The following EXOC6B variants were observed in gnomAD, a reference collection of about 807,000 sequenced individuals.
The protein encoded by EXOC6B is exocyst complex component 6B.
In EXOC6B, 54 loss-of-function variants were observed where a neutral mutation model predicts 113.5. That is an observed-to-expected ratio of 0.48 (90% CI 0.38 to 0.60). The LOEUF (loss-of-function observed/expected upper bound fraction) is 0.60, where lower values mean the gene tolerates loss of function less well. Ranked by LOEUF, EXOC6B falls within the 20% of genes least tolerant of loss-of-function variation. The pLI is 0.00. For missense variants in EXOC6B, 797 were observed against 977.5 expected, an observed-to-expected ratio of 0.82 and a Z score of 2.46; for synonymous variants, 357 against 339.0, an observed-to-expected ratio of 1.05 and a Z score of -0.58.
intron 6 of EXOC6B, among the ~76,000 whole-genome samples, chr2:72,670,686 C>A (rs945435295): frequency 5.3e-5 from 8 of 152,178 alleles, no homozygotes; most frequent in Non-Finnish European, 1.2e-4. Flanking sequence ...TGCTCTACTT[C>A]TCACAGTGAA....
intron 8 of EXOC6B, among the ~76,000 whole-genome samples, chr2:72,554,998 A>G (rs1038483316): frequency 3.9e-5 from 6 of 151,976 alleles, no homozygotes; most frequent in Non-Finnish European, 8.8e-5. Context: ...GAGTGAGAAC[A>G]TGTGGTGTTT....
intron 18 of EXOC6B, among the ~76,000 whole-genome samples, chr2:72,451,718 T>A (rs1036246417): frequency 6.6e-6 from 1 of 150,864 alleles, no homozygotes; most frequent in East Asian, 1.9e-4. Context: ...AGAAGGTAGT[T>A]TTTCCTTAGG....
Position 72,546,332 on chromosome 2 carries a change from C to G in EXOC6B, c.915+13121G>C, listed in dbSNP as rs1195668720. Among the ~76,000 whole-genome samples, 3 of 152,126 alleles carry G rather than the reference C, an allele frequency of 2.0e-5. No individual in the cohort carries two copies. The East Asian group carries it at 5.8e-4, about 29-fold the overall frequency. ...GACGTGGTGGCACGTGCCTGTAATTCTAGCTACTAGGGAGGCTGAGGCAGG... is the reference window on the plus strand; with the variant it reads ...GACGTGGTGGCACGTGCCTGTAATTGTAGCTACTAGGGAGGCTGAGGCAGG... On this transcript the variant is annotated intron_variant, in intron 8 of 21. Transcript: ENST00000272427.
At chr2:72,454,357 A>T (rs1352939251) in intron 18 of EXOC6B, among the ~76,000 whole-genome samples, 1 of 152,094 alleles carries the variant, frequency 6.6e-6, no homozygotes, top group Non-Finnish European at 1.5e-5. Flanking sequence ...ATAATAAGTT[A>T]GCCAGGAATG....
chr2:72,685,936 AT>A (rs1009474192), intron 6 of EXOC6B, among the ~76,000 whole-genome samples: 2 of 152,162 alleles, frequency 1.3e-5, no homozygotes, highest in African/African-American at 2.4e-5. Context: ...ATCACTTAAC[AT>A]TTTTTTGAAG....
chr2:72,492,345 A>G lies in EXOC6B; in HGVS notation c.1638T>C (p.Ile546=), dbSNP rs375112798. ...CAGTAAGCCCAATATTCTTCCTTTT[A>G]ATTACATTCTGCAGAGAGTTGCTCA... ...RTLSNSLQNV[I]KRKNIGLTEL... Residue 546 remains isoleucine (I), a synonymous_variant, in exon 16 of 22, where the codon ATT becomes ATC. Coordinates refer to ENST00000272427, the MANE Select transcript of EXOC6B (RefSeq NM_015189.3). 67 of 1,612,346 alleles carry G rather than the reference A, an allele frequency of 4.2e-5. No individual in the cohort carries two copies. Among genetic ancestry groups the G allele is most frequent in the Non-Finnish European group, 5.6e-5 (66 of 1,178,708 alleles).
chr2:72,674,034 G>A (rs769464028), intron 6 of EXOC6B, among the ~76,000 whole-genome samples: 5 of 152,020 alleles, frequency 3.3e-5, no homozygotes, highest in Non-Finnish European at 7.4e-5. Context: ...CGATTTGGGG[G>A]GGGTTTCATA....
chr2:72,702,303 T>C (rs1194889066), intron 6 of EXOC6B, among the ~76,000 whole-genome samples: 1 of 148,716 alleles, frequency 6.7e-6, no homozygotes, highest in Admixed American at 6.7e-5. Flanking sequence ...TGCCACATTT[T>C]CTTAATCCAG....
intron 6 of EXOC6B, among the ~76,000 whole-genome samples, chr2:72,671,093 C>T (rs747277807): frequency 2.0e-5 from 3 of 152,098 alleles, no homozygotes; most frequent in Non-Finnish European, 4.4e-5. Flanking sequence ...TGCTCCAGAA[C>T]ACTGGATGGA....
intron 20 of EXOC6B, among the ~76,000 whole-genome samples, chr2:72,214,606 T>C (rs989385435): frequency 2.0e-5 from 3 of 152,176 alleles, no homozygotes; most frequent in African/African-American, 4.8e-5. Flanking sequence ...TGTGGAATCA[T>C]TTCTTCTATT....
At chr2:72,604,482 T>C (rs1573472013) in intron 6 of EXOC6B, among the ~76,000 whole-genome samples, 1 of 152,224 alleles carries the variant, frequency 6.6e-6, no homozygotes, top group East Asian at 1.9e-4. Context: ...GATTATTTTA[T>C]TTAAATTCAA....
intron 6 of EXOC6B, among the ~76,000 whole-genome samples, chr2:72,639,700 G>C (rs1385720438): frequency 6.6e-6 from 1 of 152,170 alleles, no homozygotes; most frequent in Non-Finnish European, 1.5e-5. Context: ...AAAAAAGTTA[G>C]AGCCCAATAC....
rs1032747514 is a variant in EXOC6B, at chr2:72,512,476, A to C, written c.1167+656T>G. ...AGAAGGAAGGGAATTCAGAGCCAGC[A>C]TTCTATAACTGAAATAAAGTGGATT... On this transcript the variant is annotated intron_variant, in intron 11 of 21. Transcript: ENST00000272427. Among the ~76,000 whole-genome samples, 46 of 152,032 alleles carry C rather than the reference A, an allele frequency of 3.0e-4. 2 individuals carry two copies. Among genetic ancestry groups the C allele is most frequent in the Non-Finnish European group, 2.9e-5 (2 of 67,966 alleles).
Position 72,718,295 on chromosome 2 carries a change from T to C in EXOC6B, c.477A>G (p.Ala159=). The C allele has an allele frequency of 6.2e-7, 1 of 1,613,596 alleles. No individual in the cohort carries two copies. The highest frequency in any genetic ancestry group is 8.5e-7 in the Non-Finnish European group (1 of 1,179,672). ...DQMKTKRHYP[A]LKTLEHLEHT... ...GCTCTAGATGTTCCAGAGTTTTCAG[T>C]GCAGGATAATGCCTACAAAAGGAAT... is the stretch of plus-strand genomic sequence containing the variant. Residue 159 remains alanine, a synonymous_variant, in exon 6 of 22, where the codon GCA becomes GCG. Coordinates refer to ENST00000272427, the MANE Select transcript of EXOC6B (RefSeq NM_015189.3).
chr2:72,232,252 G>T (rs1681671768), intron 20 of EXOC6B, among the ~76,000 whole-genome samples: 1 of 152,146 alleles, frequency 6.6e-6, no homozygotes, highest in Non-Finnish European at 1.5e-5. Flanking sequence ...TGGTATTACA[G>T]GTGTGAGCCA....
chr2:72,772,095 G>T (rs987783309), intron 1 of EXOC6B, among the ~76,000 whole-genome samples: 6 of 152,132 alleles, frequency 3.9e-5, no homozygotes, highest in African/African-American at 1.2e-4. Flanking sequence ...ATTAAAGGGG[G>T]TATGAAAGAC....
chr2:72,550,046 A>T (rs1001291343), intron 8 of EXOC6B, among the ~76,000 whole-genome samples: 1 of 152,174 alleles, frequency 6.6e-6, no homozygotes, highest in African/African-American at 2.4e-5. Flanking sequence ...AGAAGTAGAG[A>T]CAAGCATTAG....
intron 19 of EXOC6B, among the ~76,000 whole-genome samples, chr2:72,338,435 G>T (rs762073461): frequency 6.6e-6 from 1 of 152,058 alleles, no homozygotes; most frequent in Non-Finnish European, 1.5e-5. Flanking sequence ...TTCAGCTATG[G>T]CTCAGTGATG....
At chr2:72,344,833 A>G (rs1237830101) in intron 19 of EXOC6B, among the ~76,000 whole-genome samples, 1 of 151,904 alleles carries the variant, frequency 6.6e-6, no homozygotes, top group Non-Finnish European at 1.5e-5. Flanking sequence ...AGTAGGGGGA[A>G]AAAAAAGCAC....
Sources: allele counts gnomAD v4.1 joint callset (sites outside exome capture counted in the v4.1 genomes callset), GRCh38; gene constraint gnomAD v4.1.1; transcripts MANE v1.5; gene names NCBI Gene and HGNC (gene_info 2026-07-23, HGNC 2026-07-21).